Variants in ZNF609 observed in about 807,000 individuals in gnomAD.
The protein encoded by ZNF609 is zinc finger protein 609.
Under a neutral mutation model 109.5 loss-of-function variants are expected in ZNF609, and 11 were observed. The ratio of observed to expected loss-of-function variants is 0.10; its 90% CI spans 0.06 to 0.17. The LOEUF is 0.17. ZNF609 is among the 10% of genes least tolerant of loss of function. ZNF609 has a pLI of 1.00. For synonymous variants in ZNF609, 646 were observed against 662.0 expected (o/e 0.98, Z 0.37); for missense variants, 1,559 against 1,772.4 (o/e 0.88, Z 2.16).
intron 2 of ZNF609, among the ~76,000 whole-genome samples, chr15:64,578,919 T>A (rs1895046834): frequency 6.6e-6 from 1 of 152,110 alleles, no homozygotes; most frequent in Non-Finnish European, 1.5e-5. Flanking sequence ...GGTGGATTGC[T>A]TGAGCCCAAG....
rs1896786688 is a variant in ZNF609 at position 64,674,946 on chromosome 15, A to G, written c.2092A>G (p.Ser698Gly). 2 of 1,614,052 alleles carry G rather than the reference A, an allele frequency of 1.2e-6. No homozygotes were observed. Among genetic ancestry groups the G allele is most frequent in the African/African-American group, 1.3e-5 (1 of 75,000 alleles). ...TATVAQAMPN[S>G]PQLKPIQPKP... ...CACAGTGGCACAAGCCATGCCCAACAGTCCCCAACTCAAGCCCATTCAGCC... is the reference window on the plus strand; with the variant it reads ...CACAGTGGCACAAGCCATGCCCAACGGTCCCCAACTCAAGCCCATTCAGCC... The change falls in exon 5 of 10, where the codon AGT becomes GGT. Residue 698 changes from serine (S) to glycine (G), a missense_variant. Transcript: ENST00000326648.
chr15:64,549,785 CTTAAT>C (rs916099819), intron 2 of ZNF609, among the ~76,000 whole-genome samples: 8 of 151,946 alleles, frequency 5.3e-5, no homozygotes, highest in Admixed American at 2.6e-4. Flanking sequence ...CATTTTTGGG[CTTAAT>C]TTAATTTATT....
intron 2 of ZNF609, among the ~76,000 whole-genome samples, chr15:64,596,065 T>G (rs1485659806): frequency 6.6e-6 from 1 of 152,232 alleles, no homozygotes; most frequent in Non-Finnish European, 1.5e-5. Flanking sequence ...CTCTTGAGCT[T>G]CTAGAATCAG....
intron 1 of ZNF609, among the ~76,000 whole-genome samples, chr15:64,479,930 A>T (rs1893228501): frequency 6.6e-6 from 1 of 151,552 alleles, no homozygotes. Context: ...AATTTAAAAA[A>T]AATTAAAAAT....
intron 1 of ZNF609, among the ~76,000 whole-genome samples, chr15:64,466,464 A>G (rs1348810474): frequency 2.0e-5 from 3 of 152,232 alleles, no homozygotes; most frequent in Admixed American, 2.0e-4. Flanking sequence ...GAAATGAGCC[A>G]TATGAACTGT....
chr15:64,512,694 A>G (rs989328027), intron 2 of ZNF609, among the ~76,000 whole-genome samples: 1 of 152,178 alleles, frequency 6.6e-6, no homozygotes, highest in African/African-American at 2.4e-5. Flanking sequence ...GAAATCAAAA[A>G]GAGCATTAAT....
chr15:64,552,423 G>C (rs778700591), intron 2 of ZNF609, among the ~76,000 whole-genome samples: 2 of 152,170 alleles, frequency 1.3e-5, no homozygotes, highest in African/African-American at 4.8e-5. Flanking sequence ...CCAGACTGGA[G>C]TGCAGTGACG....
intron 2 of ZNF609, among the ~76,000 whole-genome samples, chr15:64,507,281 C>G (rs986448103): frequency 8.5e-5 from 13 of 152,188 alleles, no homozygotes; most frequent in African/African-American, 3.1e-4. Context: ...TCTTCCTCCC[C>G]CAGTGTGAAC....
chr15:64,545,746 TAA>T (rs368932519), intron 2 of ZNF609, among the ~76,000 whole-genome samples: 1 of 152,334 alleles, frequency 6.6e-6, no homozygotes, highest in African/African-American at 2.4e-5. Flanking sequence ...AGAATATGTA[TAA>T]GAGAAATCAT....
chr15:64,544,540 ATGATGT>A (rs1173019607), intron 2 of ZNF609, among the ~76,000 whole-genome samples: 4 of 152,230 alleles, frequency 2.6e-5, no homozygotes, highest in Non-Finnish European at 4.4e-5. Flanking sequence ...AACCAGACAA[ATGATGT>A]TGAGGTTAGT....
chr15:64,655,942 A>G (rs1595754265), intron 3 of ZNF609, among the ~76,000 whole-genome samples: 1 of 152,252 alleles, frequency 6.6e-6, no homozygotes, highest in African/African-American at 2.4e-5. Context: ...GTAATTAACT[A>G]ACAAGGGGAA....
At chr15:64,507,718 G>A (rs914836342) in intron 2 of ZNF609, among the ~76,000 whole-genome samples, 2 of 152,138 alleles carry the variant, frequency 1.3e-5, no homozygotes, top group African/African-American at 4.8e-5. Flanking sequence ...TTGTATCTCT[G>A]TGTATATGTA....
chr15:64,642,206 CAG>C (rs1896270843), intron 3 of ZNF609, among the ~76,000 whole-genome samples: 3 of 152,028 alleles, frequency 2.0e-5, no homozygotes, highest in South Asian at 2.1e-4. Flanking sequence ...TTTTTTGAAA[CAG>C]AGTCTCGTTC....
Position 64,496,081 on chromosome 15 carries a change from A to G in ZNF609, c.-127-3212A>G, listed in dbSNP as rs574512176. On this transcript the variant is annotated intron_variant, in intron 1 of 9. Transcript: ENST00000326648. The stretch of plus-strand genomic sequence containing the variant: ...TGATCCTCCTGCCTCTGCCTCCCAA[A>G]GTGCTGGGATTACAGGCATGAGCCT... Among the ~76,000 whole-genome samples, 351 of 152,168 alleles carry G rather than the reference A, an allele frequency of 2.3e-3. 3 individuals are homozygous for G. Among genetic ancestry groups the G allele is most frequent in the African/African-American group, 8.1e-3 (337 of 41,532 alleles).
At chr15:64,561,552 CTTTTTTTT>C (rs771022478) in intron 2 of ZNF609, among the ~76,000 whole-genome samples, 2 of 129,908 alleles carry the variant, frequency 1.5e-5, no homozygotes, top group East Asian at 2.2e-4. Context: ...TTTTCTTTTT[CTTTTTTTT>C]TTTTTTTTTT....
At chr15:64,482,117 A>G (rs1893262942) in intron 1 of ZNF609, among the ~76,000 whole-genome samples, 1 of 152,136 alleles carries the variant, frequency 6.6e-6, no homozygotes. Flanking sequence ...TTATAATGAA[A>G]AGGTCAGCTA....
intron 3 of ZNF609, among the ~76,000 whole-genome samples, chr15:64,644,534 A>AAAATATAACAGAT (rs1258076183): frequency 2.6e-5 from 4 of 152,228 alleles, no homozygotes; most frequent in African/African-American, 9.6e-5. Flanking sequence ...AGAGGTCTTT[A>AAAATATAACAGAT]AAATATAACA....
At chr15:64,661,785 GT>G (rs1896580776) in intron 3 of ZNF609, among the ~76,000 whole-genome samples, 1 of 152,122 alleles carries the variant, frequency 6.6e-6, no homozygotes, top group Admixed American at 6.5e-5. Context: ...TTTCTTCACT[GT>G]TTTTGTAACT....
Position 64,683,182 on chromosome 15 carries a change from A to G in ZNF609, c.*1496A>G, listed in dbSNP as rs564097068. The G allele has an allele frequency of 2.1e-4, 32 of 152,678 alleles. No individual in the cohort carries two copies. The highest frequency in any genetic ancestry group is 7.7e-4 in the African/African-American group (32 of 41,542). The allele number at this position is 152,678 out of a possible 1,614,324, so 9.5% of individuals were successfully genotyped here. ...TATCATCCCTCTGTTCTCCCCTCCT[A>G]TCTTTCCATGACCCTCTGGATTGAG... On this transcript the variant is annotated 3_prime_UTR_variant, in exon 10 of 10. Transcript: ENST00000326648.
Sources: allele counts gnomAD v4.1 joint callset (sites outside exome capture counted in the v4.1 genomes callset), GRCh38; gene constraint gnomAD v4.1.1; transcripts MANE v1.5; gene names NCBI Gene and HGNC (gene_info 2026-07-23, HGNC 2026-07-21).